Variants in SLC38A8 observed in about 807,000 individuals in gnomAD.
The protein encoded by SLC38A8 is amino acid transporter SLC38A8.
SLC38A8 carries 65 observed loss-of-function variants against 46.0 expected under a neutral mutation model. The ratio of observed to expected loss-of-function variants is 1.41; its 90% CI spans 1.16 to 1.74. The LOEUF (loss-of-function observed/expected upper bound fraction) is 1.74. Ranked by LOEUF, SLC38A8 falls within the 40% of genes most tolerant of loss-of-function variation. The probability of loss-of-function intolerance (pLI) is 0.00; values close to 1 mark genes in which losing one functional copy is unlikely to be tolerated. For synonymous variants in SLC38A8, 447 were observed against 243.7 expected, an observed-to-expected ratio of 1.83 and a Z score of -7.77; for missense variants, 998 against 567.9, an observed-to-expected ratio of 1.76 and a Z score of -7.70.
intron 5 of SLC38A8, among the ~76,000 whole-genome samples, chr16:84,029,956 G>A (rs2085218784): frequency 6.6e-6 from 1 of 152,218 alleles, no homozygotes. Context: ...AGCCACCTAA[G>A]AGGACAGAGG....
At chr16:84,016,390 C>T in intron 9 of SLC38A8, 129 bp downstream of exon 9, 8 of 1,035,180 alleles carry the variant, frequency 7.7e-6, no homozygotes, top group Non-Finnish European at 1.1e-5. Context: ...AGGGCACCTA[C>T]ATGGGGTCTT....
Position 84,036,829 on chromosome 16 carries a change from G to A in SLC38A8, c.261C>T (p.Thr87=), listed in dbSNP as rs771634867. ...GYAAAVSGQA[T]YQGVVRGLCG... is the part of the protein sequence containing the mutation. ...ACAGCCCCCTGACCACACCCTGGTA[G>A]GTGGCCTGGCCACTGACAGCAGCAG... Residue 87 remains threonine (T), a synonymous_variant, in exon 3 of 11, where the codon ACC becomes ACT. Coordinates refer to ENST00000299709, the MANE Select transcript of SLC38A8 (RefSeq NM_001080442.3). The A allele has an allele frequency of 1.1e-5, 18 of 1,613,896 alleles. No homozygotes were observed. The East Asian group carries it at 3.6e-4, about 32-fold the overall frequency.
Position 84,034,392 on chromosome 16 carries a change from G to A in SLC38A8, c.389-923C>T, listed in dbSNP as rs187876832. 1.1e-3 allele frequency among the ~76,000 whole-genome samples: 160 copies of A among 152,358 alleles called. 1 individual carries two copies. The highest frequency in any genetic ancestry group is 3.6e-3 in the African/African-American group (151 of 41,592). Reference sequence around the variant, plus strand: ...GGGGCCATTTTTATTCTGCCACAGTGGGATGAATGATTTGGAACCCATCTA... The same window carrying A: ...GGGGCCATTTTTATTCTGCCACAGTAGGATGAATGATTTGGAACCCATCTA... On this transcript the variant is annotated intron_variant, in intron 3 of 10. Coordinates refer to ENST00000299709, the MANE Select transcript of SLC38A8 (RefSeq NM_001080442.3).
In SLC38A8 at chr16:84,016,923, T is replaced by C. The variant is rs372533932; in HGVS notation, c.954-196A>G. ...ATCGGGCAGCCCATGGGGCAGGGGA[T>C]GAAGCACGTGGTTCGCATTCCAGTC... is the stretch of plus-strand genomic sequence containing the variant. On this transcript the variant is annotated intron_variant, in intron 8 of 10. Coordinates refer to ENST00000299709, the MANE Select transcript of SLC38A8 (RefSeq NM_001080442.3). 7.9e-5 allele frequency among the ~76,000 whole-genome samples: 12 copies of C among 152,326 alleles called. 1 individual carries two copies. The East Asian group carries it at 2.3e-3, about 29-fold the overall frequency.
At chr16:84,015,817 T>C (rs1364660615) in intron 9 of SLC38A8, among the ~76,000 whole-genome samples, 1 of 152,182 alleles carries the variant, frequency 6.6e-6, no homozygotes, top group Non-Finnish European at 1.5e-5. Flanking sequence ...GTGATTCTCC[T>C]GCCTAAGCCT....
intron 4 of SLC38A8, among the ~76,000 whole-genome samples, chr16:84,033,117 G>C (rs1303123919): frequency 2.6e-5 from 4 of 152,190 alleles, no homozygotes; most frequent in Admixed American, 2.6e-4. Flanking sequence ...AAACTGAGTA[G>C]CACTGACGTT....
chr16:84,015,022 C>T (rs921643144), intron 9 of SLC38A8, among the ~76,000 whole-genome samples: 10 of 152,156 alleles, frequency 6.6e-5, no homozygotes, highest in Admixed American at 3.9e-4. Flanking sequence ...CAATGGGCAT[C>T]TACTTCTTGT....
chr16:84,029,352 G>A (rs559729520), intron 6 of SLC38A8, 142 bp downstream of exon 6: 2 of 759,506 alleles, frequency 2.6e-6, no homozygotes, highest in Non-Finnish European at 4.2e-6. Flanking sequence ...GGAACCACAG[G>A]TGGGCGGCAC....
rs1354796862 is a variant in SLC38A8, at chr16:84,039,759, AAAAAAAAAAGGC to A, written c.189+2198_189+2209del. ...TGAGACCTTCAAAAAAAAAAAAAAAAAAAAAAAAAGGCAGGGGAAGGTGTGGGGGGCAAGGAA... is the reference window on the plus strand; with the variant it reads ...TGAGACCTTCAAAAAAAAAAAAAAAAAGGGGAAGGTGTGGGGGGCAAGGAA... On this transcript the variant is annotated intron_variant, in intron 2 of 10. Coordinates refer to ENST00000299709, the MANE Select transcript of SLC38A8 (RefSeq NM_001080442.3). Among the ~76,000 whole-genome samples the A allele has an allele frequency of 4.6e-3, 355 of 77,716 alleles. 2 individuals carry two copies. Among genetic ancestry groups the A allele is most frequent in the East Asian group, 5.8e-3 (12 of 2,054 alleles). 51.0% of individuals were successfully genotyped at this position (77,716 alleles called of 152,430 possible).
chr16:84,026,587 G>A (rs192066281), intron 6 of SLC38A8, among the ~76,000 whole-genome samples: 1 of 152,222 alleles, frequency 6.6e-6, no homozygotes, highest in Non-Finnish European at 1.5e-5. Flanking sequence ...TACCCAGGAG[G>A]TGGTGGCAGT....
chr16:84,026,890 A>C (rs1489285142), intron 6 of SLC38A8, among the ~76,000 whole-genome samples: 4 of 152,154 alleles, frequency 2.6e-5, no homozygotes, highest in African/African-American at 9.7e-5. Context: ...TGGAGAATGG[A>C]GAGTGACTGA....
intron 7 of SLC38A8, among the ~76,000 whole-genome samples, chr16:84,018,898 G>C (rs750142766): frequency 3.3e-5 from 5 of 152,096 alleles, no homozygotes; most frequent in Non-Finnish European, 5.9e-5. Flanking sequence ...CAGAAGCTAA[G>C]GCTAGTTCAA....
At chr16:84,030,512 C>T (rs942355654) in intron 5 of SLC38A8, among the ~76,000 whole-genome samples, 1 of 152,026 alleles carries the variant, frequency 6.6e-6, no homozygotes, top group Non-Finnish European at 1.5e-5. Flanking sequence ...CAGACCTGCC[C>T]AGCTGCTTGA....
chr16:84,025,103 G>T (rs888041958), intron 6 of SLC38A8, among the ~76,000 whole-genome samples: 1 of 152,216 alleles, frequency 6.6e-6, no homozygotes, highest in Non-Finnish European at 1.5e-5. Context: ...GAATACTGAT[G>T]TACAGCCAGG....
At position 84,036,743 on chromosome 16, in the gene SLC38A8, G is replaced by C; in HGVS notation, c.347C>G (p.Ser116Cys). The C allele has an allele frequency of 2.5e-6, 4 of 1,614,216 alleles. No individual in the cohort carries two copies. The highest frequency in any genetic ancestry group is 2.2e-5 in the South Asian group (2 of 91,082). The change falls in exon 3 of 11, where the codon TCC becomes TGC. Residue 116 changes from serine (S) to cysteine (C), a missense_variant. By Grantham distance (112) the Ser-to-Cys change is moderately radical. Transcript: ENST00000299709. ...ACFLLNLLMI[S>C]VAFLRVIGDQ... ...CCCGATCACCCTGAGGAAGGCCACG[G>C]AGATCATGAGCAGGTTGAGGAGGAA... is the stretch of plus-strand genomic sequence containing the variant.
In SLC38A8 at chr16:84,013,011, G is replaced by C. The variant is rs775276596; in HGVS notation, c.1204C>G (p.Pro402Ala). ...ICAMGVEPIG[P>A]RVKCCLEVWG... is the part of the protein sequence containing the mutation. The stretch of plus-strand genomic sequence containing the variant: ...CTTAGGGACACTTACTTGACTCTTG[G>C]TCCTATAGGCTCGACACCCATTGCA... The change falls in exon 10 of 11, where the codon CCA becomes GCA. Residue 402 changes from proline to alanine, a missense_variant. Coordinates refer to ENST00000299709, the MANE Select transcript of SLC38A8 (RefSeq NM_001080442.3). 2 of 1,613,994 alleles carry C rather than the reference G, an allele frequency of 1.2e-6. No individual in the cohort carries two copies. The highest frequency in any genetic ancestry group is 1.3e-5 in the African/African-American group (1 of 74,906).
chr16:84,034,631 T>C (rs768075181), intron 3 of SLC38A8, among the ~76,000 whole-genome samples: 13 of 152,032 alleles, frequency 8.6e-5, no homozygotes, highest in Non-Finnish European at 1.5e-4. Context: ...AGGGGAGCCA[T>C]GTGAAAAAAT....
At chr16:84,018,197 G>C (rs2085053713) in intron 7 of SLC38A8, among the ~76,000 whole-genome samples, 1 of 149,284 alleles carries the variant, frequency 6.7e-6, no homozygotes, top group South Asian at 2.1e-4. Flanking sequence ...GTATAGCAAG[G>C]ATGAGCTCTG....
At chr16:84,039,069 T>C (rs756252926) in intron 2 of SLC38A8, among the ~76,000 whole-genome samples, 12 of 152,190 alleles carry the variant, frequency 7.9e-5, no homozygotes, top group South Asian at 6.2e-4. Flanking sequence ...CCTCAACCCA[T>C]TGAGGTATGT....
Sources: allele counts gnomAD v4.1 joint callset (sites outside exome capture counted in the v4.1 genomes callset), GRCh38; gene constraint gnomAD v4.1.1; transcripts MANE v1.5; gene names NCBI Gene and HGNC (gene_info 2026-07-23, HGNC 2026-07-21).